NELL1: variants seen among roughly 807,000 people sequenced by gnomAD.
NELL1 encodes protein kinase C-binding protein NELL1.
NELL1 carries 76 observed loss-of-function variants against 107.4 expected under a neutral mutation model. That is an observed-to-expected ratio of 0.71 (90% CI 0.59 to 0.86). NELL1 has a LOEUF of 0.86. Among genes scored for constraint, NELL1 ranks in the 40% least tolerant of loss-of-function variants. The pLI is 0.00. For synonymous variants in NELL1, 353 were observed against 341.2 expected (o/e 1.03, Z -0.38); for missense variants, 1,024 against 1,005.5 (o/e 1.02, Z -0.25).
chr11:21,009,448 G>A (rs556626016), intron 12 of NELL1, among the ~76,000 whole-genome samples: 4 of 152,200 alleles, frequency 2.6e-5, no homozygotes, highest in South Asian at 4.2e-4. Flanking sequence ...ATCCAAATTT[G>A]ACCCTGTAAG....
intron 2 of NELL1, among the ~76,000 whole-genome samples, chr11:20,707,154 G>A (rs891164264): frequency 1.3e-5 from 2 of 152,094 alleles, no homozygotes; most frequent in Admixed American, 6.5e-5. Context: ...TGGTCGAATT[G>A]GCTACTGAAG....
intron 12 of NELL1, among the ~76,000 whole-genome samples, chr11:20,982,505 G>T (rs534772829): frequency 4.6e-5 from 7 of 152,258 alleles, no homozygotes; most frequent in East Asian, 3.9e-4. Flanking sequence ...AAAACCCCAG[G>T]TTCCTTAGTT....
At chr11:20,856,326 T>G (rs1408031484) in intron 4 of NELL1, among the ~76,000 whole-genome samples, 1 of 152,078 alleles carries the variant, frequency 6.6e-6, no homozygotes, top group African/African-American at 2.4e-5. Flanking sequence ...GCAATTAGAG[T>G]GGAAATAATT....
chr11:21,460,086 G>T (rs1853862171), intron 15 of NELL1, among the ~76,000 whole-genome samples: 1 of 152,132 alleles, frequency 6.6e-6, no homozygotes, highest in African/African-American at 2.4e-5. Context: ...AAGAGGTGGA[G>T]GATGTGATGG....
intron 11 of NELL1, among the ~76,000 whole-genome samples, chr11:20,948,802 G>A (rs962097151): frequency 1.3e-5 from 2 of 148,836 alleles, no homozygotes; most frequent in African/African-American, 2.5e-5. Flanking sequence ...TAAACTCATA[G>A]GTATTATTTT....
intron 2 of NELL1, among the ~76,000 whole-genome samples, chr11:20,692,188 A>G (rs1169084127): frequency 6.6e-6 from 1 of 151,314 alleles, no homozygotes; most frequent in Non-Finnish European, 1.5e-5. Flanking sequence ...TTTCTTTATT[A>G]GTCTTGCTAG....
At chr11:21,089,787 C>A (rs1002134796) in intron 12 of NELL1, among the ~76,000 whole-genome samples, 1 of 152,080 alleles carries the variant, frequency 6.6e-6, no homozygotes, top group African/African-American at 2.4e-5. Context: ...TATTGGTAGT[C>A]CTTGGTTGAT....
At chr11:20,862,628 T>TTA (rs869055167) in intron 4 of NELL1, among the ~76,000 whole-genome samples, 22 of 138,764 alleles carry the variant, frequency 1.6e-4, no homozygotes, top group South Asian at 7.2e-4. Flanking sequence ...TTTTTTTTTT[T>TTA]ATTGATCATT....
intron 2 of NELL1, among the ~76,000 whole-genome samples, chr11:20,751,610 G>A (rs1306648859): frequency 6.6e-6 from 1 of 151,452 alleles, no homozygotes. Flanking sequence ...CTTAGTAGCT[G>A]GGACTACAGA....
intron 3 of NELL1, among the ~76,000 whole-genome samples, chr11:20,827,662 C>G (rs1029058793): frequency 6.6e-6 from 1 of 151,272 alleles, no homozygotes; most frequent in East Asian, 1.9e-4. Flanking sequence ...TCAATTACTT[C>G]TGCTGACATT....
At chr11:21,506,927 A>C (rs1564930260) in intron 15 of NELL1, among the ~76,000 whole-genome samples, 2 of 152,202 alleles carry the variant, frequency 1.3e-5, no homozygotes, top group African/African-American at 4.8e-5. Flanking sequence ...AAAAAGTAGA[A>C]AAATAAAGGA....
intron 14 of NELL1, among the ~76,000 whole-genome samples, chr11:21,327,088 TGGGA>T (rs1439943996): frequency 6.7e-6 from 1 of 148,934 alleles, no homozygotes; most frequent in Non-Finnish European, 1.5e-5. Context: ...AGGGAACTGG[TGGGA>T]GGTTATTTAA....
intron 14 of NELL1, among the ~76,000 whole-genome samples, chr11:21,327,381 C>T (rs1366887352): frequency 2.0e-5 from 3 of 152,000 alleles, no homozygotes; most frequent in African/African-American, 7.2e-5. Context: ...GGGCTTTTCC[C>T]CATTTTGCTT....
intron 14 of NELL1, among the ~76,000 whole-genome samples, chr11:21,274,670 G>A (rs1848815240): frequency 6.6e-6 from 1 of 152,178 alleles, no homozygotes; most frequent in South Asian, 2.1e-4. Context: ...CTCAGCGAAT[G>A]TAAAAGAACA....
chr11:21,535,833 A>C (rs915541228), intron 16 of NELL1, among the ~76,000 whole-genome samples: 1 of 152,170 alleles, frequency 6.6e-6, no homozygotes, highest in Admixed American at 6.6e-5. Flanking sequence ...ATTCTACCCC[A>C]TACTCTGTTC....
intron 2 of NELL1, among the ~76,000 whole-genome samples, chr11:20,682,755 C>A (rs1349227687): frequency 6.6e-6 from 1 of 151,990 alleles, no homozygotes; most frequent in Non-Finnish European, 1.5e-5. Flanking sequence ...CTCTCCCAAC[C>A]TCCACTTCTA....
intron 2 of NELL1, among the ~76,000 whole-genome samples, chr11:20,701,747 A>G (rs1238681165): frequency 6.6e-6 from 1 of 152,102 alleles, no homozygotes; most frequent in Non-Finnish European, 1.5e-5. Flanking sequence ...TTTTCCCAGC[A>G]CCATTTATTA....
At chr11:20,739,537 G>A (rs1855840632) in intron 2 of NELL1, among the ~76,000 whole-genome samples, 1 of 152,210 alleles carries the variant, frequency 6.6e-6, no homozygotes, top group South Asian at 2.1e-4. Context: ...GAGAGTGGGA[G>A]CTGTGGCATG....
At chr11:21,055,686 C>CA (rs1481202394) in intron 12 of NELL1, among the ~76,000 whole-genome samples, 2 of 151,948 alleles carry the variant, frequency 1.3e-5, no homozygotes, top group African/African-American at 4.8e-5. Flanking sequence ...AGGGAGTACC[C>CA]AGGAGGGATT....
Sources: gnomAD v4.1 joint callset for allele counts (sites outside exome capture counted in the v4.1 genomes callset) on GRCh38, gnomAD v4.1.1 for gene constraint, MANE v1.5 for transcripts, NCBI Gene and HGNC (gene_info 2026-07-23, HGNC 2026-07-21) for gene names.